The following UNC13B variants were observed in gnomAD, a reference collection of about 807,000 sequenced individuals.
UNC13B encodes the protein unc-13 homolog B, also known as protein unc-13 homolog B.
Under a neutral mutation model 211.0 loss-of-function variants are expected in UNC13B, and 144 were observed. The observed-to-expected ratio is 0.68, with a 90% confidence interval of 0.60 to 0.78. The LOEUF (loss-of-function observed/expected upper bound fraction) is 0.78, where lower values mean the gene tolerates loss of function less well. Among genes scored for constraint, UNC13B ranks in the 30% least tolerant of loss-of-function variants. The probability of loss-of-function intolerance (pLI) is 0.00; values close to 1 mark genes in which losing one functional copy is unlikely to be tolerated. For missense variants in UNC13B, 1,777 were observed against 2,002.0 expected, an observed-to-expected ratio of 0.89 and a Z score of 2.14; for synonymous variants, 709 against 725.8, an observed-to-expected ratio of 0.98 and a Z score of 0.37.
At chr9:35,362,794 C>T (rs13287106) in intron 11 of UNC13B, among the ~76,000 whole-genome samples, 3,271 of 130,300 alleles carry the variant, frequency 0.025, 51 homozygotes, top group Non-Finnish European at 0.035. Context: ...AGCGAGACTC[C>T]GTCTCAAAAA....
intron 1 of UNC13B, among the ~76,000 whole-genome samples, chr9:35,209,356 GC>G (rs200301609): frequency 6.6e-6 from 1 of 150,914 alleles, no homozygotes; most frequent in African/African-American, 2.4e-5. Flanking sequence ...GAGCTACCAC[GC>G]CCAGCCTCCC....
chr9:35,230,513 G>C (rs900591653), intron 2 of UNC13B, among the ~76,000 whole-genome samples: 1 of 143,394 alleles, frequency 7.0e-6, no homozygotes, highest in African/African-American at 2.5e-5. Context: ...TATGTAACTT[G>C]TGCTTTAGGC....
chr9:35,351,965 A>G, intron 11 of UNC13B: 1 of 1,232,220 alleles, frequency 8.1e-7, no homozygotes, highest in Non-Finnish European at 1.0e-6. Context: ...AGAATACATC[A>G]TCAGAGAGCT....
chr9:35,273,166 A>C (rs1827988619), intron 7 of UNC13B, among the ~76,000 whole-genome samples: 1 of 152,250 alleles, frequency 6.6e-6, no homozygotes, highest in African/African-American at 2.4e-5. Context: ...AGTTCAGAAC[A>C]GTTGGATGTG....
In UNC13B at chr9:35,307,066, C is replaced by A. The variant is rs1034588849; in HGVS notation, c.7662C>A (p.Ala2554=). The change falls in exon 9 of 40, where the codon GCC becomes GCA. Residue 2554 remains alanine, a synonymous_variant. Coordinates refer to ENST00000635942, the MANE Select transcript of UNC13B (RefSeq NM_001371189.2). The part of the protein sequence containing the change: ...GSVPPERREA[A]FTALSSESTL... ...TACCTCCAGAAAGGAGAGAAGCTGC[C>A]TTTACAGCACTAAGTTCAGAATCTA... is the stretch of plus-strand genomic sequence containing the variant. 42 of 399,010 alleles carry A rather than the reference C, an allele frequency of 1.1e-4. No individual in the cohort carries two copies. The highest frequency in any genetic ancestry group is 7.8e-4 in the African/African-American group (38 of 48,736). 24.7% of individuals were successfully genotyped at this position (399,010 alleles called of 1,614,324 possible).
chr9:35,348,612 T>C (rs1832520118), intron 11 of UNC13B, among the ~76,000 whole-genome samples: 1 of 152,182 alleles, frequency 6.6e-6, no homozygotes. Context: ...TTGCTTTAGA[T>C]ATGGGTTTCC....
chr9:35,381,027 G>C, intron 18 of UNC13B, 73 bp from the exon 19 acceptor site: 1 of 1,470,130 alleles, frequency 6.8e-7, no homozygotes, highest in East Asian at 2.3e-5. Flanking sequence ...TCTTCCTTGG[G>C]TTAAGCCAGA....
chr9:35,288,291 G>A (rs1828904710), intron 7 of UNC13B, among the ~76,000 whole-genome samples: 1 of 152,042 alleles, frequency 6.6e-6, no homozygotes. Flanking sequence ...CCTCTTAAAA[G>A]CTCTGATAGC....
At chr9:35,384,391 T>G (rs1835052890) in intron 22 of UNC13B, 77 bp downstream of exon 22, 2 of 1,542,140 alleles carry the variant, frequency 1.3e-6, no homozygotes, top group African/African-American at 2.7e-5. Context: ...CAATCTTGGC[T>G]ATAAAGATTG....
rs1400259081 is a variant in UNC13B, at chr9:35,381,140, A to G, written c.10416A>G (p.Arg3472=). Residue 3472 remains arginine, a synonymous_variant, in exon 19 of 40, where the codon CGA becomes CGG. Transcript: ENST00000635942. The stretch of plus-strand genomic sequence containing the variant: ...AATCAGCCGTCTCAGGGGCTATCCG[A>G]CTACAAATCAGTGTGGAGATCAAGG... ...TDKSAVSGAI[R]LQISVEIKGE... The G allele has an allele frequency of 6.2e-7, 1 of 1,614,190 alleles. No individual in the cohort carries two copies. Among genetic ancestry groups the G allele is most frequent in the South Asian group, 1.1e-5 (1 of 91,076 alleles).
At chr9:35,227,939 T>A in intron 1 of UNC13B, 76 bp from the exon 2 acceptor site, 2 of 1,248,552 alleles carry the variant, frequency 1.6e-6, no homozygotes, top group South Asian at 2.5e-5. Flanking sequence ...CATTGGTATG[T>A]AGTGCCTAAT....
chr9:35,243,391 G>A, intron 6 of UNC13B, 27 bp downstream of exon 6: 1 of 1,611,256 alleles, frequency 6.2e-7, no homozygotes, highest in East Asian at 2.2e-5. Flanking sequence ...TTGCAGTATA[G>A]AGAGATGGGG....
chr9:35,241,117 G>GT (rs1396853287), intron 5 of UNC13B, among the ~76,000 whole-genome samples: 11 of 151,298 alleles, frequency 7.3e-5, no homozygotes, highest in Non-Finnish European at 1.6e-4. Context: ...TTGTGTGTTG[G>GT]TGGGCATGTC....
chr9:35,349,993 A>C (rs1187652059), intron 11 of UNC13B, among the ~76,000 whole-genome samples: 1 of 152,214 alleles, frequency 6.6e-6, no homozygotes, highest in East Asian at 1.9e-4. Flanking sequence ...TCAAATCTAG[A>C]AAATGGGGAA....
At chr9:35,312,190 T>C (rs2131867330) in intron 10 of UNC13B, among the ~76,000 whole-genome samples, 1 of 152,342 alleles carries the variant, frequency 6.6e-6, no homozygotes, top group Admixed American at 6.5e-5. Flanking sequence ...CAAGATCTAA[T>C]AATAAAGCCT....
At chr9:35,385,485 T>C in intron 22 of UNC13B, 1 of 985,440 alleles carries the variant, frequency 1.0e-6, no homozygotes, top group Non-Finnish European at 1.2e-6. Context: ...GAAGTAGGGC[T>C]GGAGGAGGAT....
intron 8 of UNC13B, among the ~76,000 whole-genome samples, chr9:35,299,019 G>A (rs751193359): frequency 6.6e-6 from 1 of 152,150 alleles, no homozygotes; most frequent in African/African-American, 2.4e-5. Flanking sequence ...ATCACCTGAG[G>A]TCAGGAGTTC....
At chr9:35,194,860 A>G (rs1822850613) in intron 1 of UNC13B, among the ~76,000 whole-genome samples, 1 of 152,126 alleles carries the variant, frequency 6.6e-6, no homozygotes, top group Non-Finnish European at 1.5e-5. Context: ...TTAGGAATGG[A>G]GGTTTAATAG....
chr9:35,281,432 G>C (rs921693864), intron 7 of UNC13B, among the ~76,000 whole-genome samples: 1 of 145,598 alleles, frequency 6.9e-6, no homozygotes, highest in Non-Finnish European at 1.5e-5. Flanking sequence ...AAGAGAGAGA[G>C]AGGAATGAAA....
Sources: gnomAD v4.1 joint callset for allele counts (sites outside exome capture counted in the v4.1 genomes callset) on GRCh38, gnomAD v4.1.1 for gene constraint, MANE v1.5 for transcripts, NCBI Gene and HGNC (gene_info 2026-07-23, HGNC 2026-07-21) for gene names.